The following PCDHA4 variants were observed in gnomAD, a reference collection of about 807,000 sequenced individuals.
The protein encoded by PCDHA4 is protocadherin alpha-4.
In PCDHA4, 49 loss-of-function variants were observed where a neutral mutation model predicts 61.4. The ratio of observed to expected loss-of-function variants is 0.80; its 90% CI spans 0.63 to 1.01. PCDHA4 has a LOEUF of 1.01. PCDHA4 is among the 50% of genes least tolerant of loss of function. The pLI is 0.00. For missense variants in PCDHA4, 1,254 were observed against 1,235.8 expected (o/e 1.01, Z -0.22); for synonymous variants, 590 against 550.3 (o/e 1.07, Z -1.01).
chr5:140,845,311 A>G (rs1384736573), intron 1 of PCDHA4, among the ~76,000 whole-genome samples: 1 of 149,364 alleles, frequency 6.7e-6, no homozygotes, highest in Non-Finnish European at 1.5e-5. Flanking sequence ...CCTGGTTCTC[A>G]GGTATTACTT....
intron 3 of PCDHA4, among the ~76,000 whole-genome samples, chr5:141,005,816 G>A (rs1295998009): frequency 1.3e-5 from 2 of 151,804 alleles, no homozygotes; most frequent in African/African-American, 4.8e-5. Context: ...AGCCAGGTAT[G>A]GTGGCCTGTA....
Position 140,845,283 on chromosome 5 carries a change from C to G in PCDHA4, c.2385+35711C>G, listed in dbSNP as rs1279149286. ...TTTTCCTTTGTGAAAGTAATATTTC[C>G]TATCCTGTCTATGTCTACCTGGTTC... On this transcript the variant is annotated intron_variant, in intron 1 of 3. Coordinates refer to ENST00000530339, the MANE Select transcript of PCDHA4 (RefSeq NM_018907.4). Among the ~76,000 whole-genome samples, 6 of 149,008 alleles carry G rather than the reference C, an allele frequency of 4.0e-5. No individual in the cohort carries two copies. The South Asian group carries it at 1.1e-3, about 26-fold the overall frequency.
chr5:140,905,750 C>T (rs1349523564), intron 1 of PCDHA4, among the ~76,000 whole-genome samples: 1 of 152,102 alleles, frequency 6.6e-6, no homozygotes, highest in Non-Finnish European at 1.5e-5. Flanking sequence ...GATCTTTCAC[C>T]TCCTTGGTTA....
rs112291126 is a variant in PCDHA4 at position 140,807,661 on chromosome 5, G to A, written c.474G>A (p.Ser158=). 2.1e-3 allele frequency: 3,418 copies of A among 1,614,194 alleles called. 54 individuals carry two copies. The African/African-American group carries it at 0.039, about 19-fold the overall frequency. Residue 158 remains serine (S), a synonymous_variant, in exon 1 of 4, where the codon TCG becomes TCA. Transcript: ENST00000530339. ...LDSRFPLEGA[S]DADIGENALL... is the part of the protein sequence containing the mutation. ...CTCGGTTTCCACTAGAGGGCGCCTCGGATGCAGATATCGGGGAGAACGCCC... is the reference window on the plus strand; with the variant it reads ...CTCGGTTTCCACTAGAGGGCGCCTCAGATGCAGATATCGGGGAGAACGCCC...
At chr5:140,837,593 A>G (rs1168941201) in intron 1 of PCDHA4, among the ~76,000 whole-genome samples, 3 of 151,646 alleles carry the variant, frequency 2.0e-5, no homozygotes, top group Admixed American at 1.3e-4. Flanking sequence ...TAAATCGCCA[A>G]TATATATATT....
At chr5:140,965,388 C>A (rs2095896527) in intron 1 of PCDHA4, among the ~76,000 whole-genome samples, 1 of 151,982 alleles carries the variant, frequency 6.6e-6, no homozygotes, top group Non-Finnish European at 1.5e-5. Flanking sequence ...CACAGAAGAA[C>A]AGAAGTCTAA....
At chr5:140,814,442 C>T (rs985107425) in intron 1 of PCDHA4, 16 of 148,376 alleles carry the variant, frequency 1.1e-4, no homozygotes, top group South Asian at 2.1e-4. Flanking sequence ...TTGTGGTGAC[C>T]TTTTTTCTTT....
intron 1 of PCDHA4, among the ~76,000 whole-genome samples, chr5:140,959,620 G>GA (rs1247214459): frequency 4.6e-5 from 7 of 151,966 alleles, no homozygotes; most frequent in African/African-American, 1.4e-4. Context: ...GCTTGTGATA[G>GA]AAAAAAAGAG....
rs781800843 is a variant in PCDHA4 at position 140,807,311 on chromosome 5, G to C, written c.124G>C (p.Gly42Arg). The change falls in exon 1 of 4, where the codon GGC becomes CGC. Residue 42 changes from glycine to arginine, a missense_variant. Gly to Arg is a moderately radical substitution (Grantham distance 125, BLOSUM62 -2). Coordinates refer to ENST00000530339, the MANE Select transcript of PCDHA4 (RefSeq NM_018907.4). ...HYSVSEEAKH[G>R]TFVGRIAQDL... ...CTCGGTCTCCGAGGAGGCCAAACACGGCACCTTCGTGGGCCGCATCGCGCA... is the reference window on the plus strand; with the variant it reads ...CTCGGTCTCCGAGGAGGCCAAACACCGCACCTTCGTGGGCCGCATCGCGCA... 1.9e-6 allele frequency: 3 copies of C among 1,614,084 alleles called. No individual in the cohort carries two copies. The highest frequency in any genetic ancestry group is 1.7e-6 in the Non-Finnish European group (2 of 1,180,032).
chr5:140,874,903 C>A (rs543752012), intron 1 of PCDHA4, among the ~76,000 whole-genome samples: 1 of 152,054 alleles, frequency 6.6e-6, no homozygotes, highest in Non-Finnish European at 1.5e-5. Context: ...TAAAATCTTA[C>A]GATGGAGTGC....
intron 1 of PCDHA4, among the ~76,000 whole-genome samples, chr5:140,932,462 A>G (rs549858141): frequency 6.6e-6 from 1 of 152,022 alleles, no homozygotes; most frequent in African/African-American, 2.4e-5. Flanking sequence ...GCCAGGGTAT[A>G]TAGGAAATAG....
At position 140,883,630 on chromosome 5, in the gene PCDHA4, G is replaced by A. The variant is rs1424400219; in HGVS notation, c.2385+74058G>A. Reference sequence around the variant, plus strand: ...CCGACGTGAACGACAACGCGCCGGCGTTCGCGCAGCCCGAGTACACGGTGT... The same window carrying A: ...CCGACGTGAACGACAACGCGCCGGCATTCGCGCAGCCCGAGTACACGGTGT... On this transcript the variant is annotated intron_variant, in intron 1 of 3. Coordinates refer to ENST00000530339, the MANE Select transcript of PCDHA4 (RefSeq NM_018907.4). 3 of 1,613,848 alleles carry A rather than the reference G, an allele frequency of 1.9e-6. No individual in the cohort carries two copies. In the African/African-American group the frequency reaches 4.0e-5, roughly 22 times the overall value.
chr5:140,890,056 C>T (rs2062472126), intron 1 of PCDHA4, among the ~76,000 whole-genome samples: 1 of 152,124 alleles, frequency 6.6e-6, no homozygotes, highest in African/African-American at 2.4e-5. Flanking sequence ...GGAGCTGGCT[C>T]TTTTACTGGC....
intron 1 of PCDHA4, chr5:140,828,164 A>C: frequency 3.1e-6 from 5 of 1,614,130 alleles, no homozygotes; most frequent in Non-Finnish European, 4.2e-6. Flanking sequence ...CGCAGCCTGG[A>C]AGGTGGGGAG....
rs782449567 is a variant in PCDHA4, at chr5:140,928,010, G to T, written c.2386-50939G>T. 4.3e-6 allele frequency: 7 copies of T among 1,614,168 alleles called. No individual in the cohort carries two copies. In the South Asian group the frequency reaches 6.6e-5, roughly 15 times the overall value. On this transcript the variant is annotated intron_variant, in intron 1 of 3. Coordinates refer to ENST00000530339, the MANE Select transcript of PCDHA4 (RefSeq NM_018907.4). Reference sequence around the variant, plus strand: ...AAGGATGAAGACCTCGATTCTAATGGTAGGGTCATTTGTGGCATGTCTAGT... The same window carrying T: ...AAGGATGAAGACCTCGATTCTAATGTTAGGGTCATTTGTGGCATGTCTAGT...
intron 1 of PCDHA4, among the ~76,000 whole-genome samples, chr5:140,846,989 C>CG (rs1310758236): frequency 2.0e-5 from 3 of 149,196 alleles, no homozygotes; most frequent in African/African-American, 7.4e-5. Context: ...AAGTTCCCCC[C>CG]GGGAGAATAT....
Position 140,929,023 on chromosome 5 carries a change from C to G in PCDHA4, c.2386-49926C>G, listed in dbSNP as rs2085741813. On this transcript the variant is annotated intron_variant, in intron 1 of 3. Transcript: ENST00000530339. ...CGTGTGTACCAAGTTGCACCAGAGCCCAGGCTGTTGCGCTCAGAGCTGCTG... is the reference window on the plus strand; with the variant it reads ...CGTGTGTACCAAGTTGCACCAGAGCGCAGGCTGTTGCGCTCAGAGCTGCTG... 2.5e-6 allele frequency: 4 copies of G among 1,614,056 alleles called. No homozygotes were observed. The Admixed American group carries it at 6.7e-5, about 27-fold the overall frequency.
chr5:140,994,528 C>T (rs1331400819), intron 3 of PCDHA4, among the ~76,000 whole-genome samples: 1 of 137,784 alleles, frequency 7.3e-6, no homozygotes, highest in Non-Finnish European at 1.5e-5. Flanking sequence ...CATGGCAAAA[C>T]CCCATCTCTA....
intron 1 of PCDHA4, chr5:140,862,713 C>CG (rs2153223672): frequency 1.8e-6 from 1 of 561,970 alleles, no homozygotes; most frequent in East Asian, 4.9e-5. Flanking sequence ...AGCGGGTGGG[C>CG]GAGTGCGCGC....
Sources: gnomAD v4.1 joint callset for allele counts (sites outside exome capture counted in the v4.1 genomes callset) on GRCh38, gnomAD v4.1.1 for gene constraint, MANE v1.5 for transcripts, NCBI Gene and HGNC (gene_info 2026-07-23, HGNC 2026-07-21) for gene names.